COL13A1: variants seen among roughly 807,000 people sequenced by gnomAD.
COL13A1 encodes the protein collagen alpha-1(XIII) chain.
A neutral mutation model predicts 130.9 loss-of-function variants in COL13A1; 89 were observed. That is an observed-to-expected ratio of 0.68 (90% CI 0.57 to 0.81). The LOEUF (loss-of-function observed/expected upper bound fraction) is 0.81. Among genes scored for constraint, COL13A1 ranks in the 30% least tolerant of loss-of-function variants. The pLI is 0.00. For synonymous variants in COL13A1, 402 were observed against 341.6 expected (o/e 1.18, Z -1.95); for missense variants, 879 against 934.6 (o/e 0.94, Z 0.78).
chr10:69,854,289 G>A (rs1176437532), intron 2 of COL13A1, among the ~76,000 whole-genome samples: 2 of 152,160 alleles, frequency 1.3e-5, no homozygotes, highest in East Asian at 3.9e-4. Context: ...GTTTCAGCCG[G>A]GTGCTGTGGC....
intron 2 of COL13A1, among the ~76,000 whole-genome samples, chr10:69,857,059 G>A (rs1856635804): frequency 6.6e-6 from 1 of 152,190 alleles, no homozygotes; most frequent in South Asian, 2.1e-4. Flanking sequence ...GACCCGTGCT[G>A]GAGGCCTGGC....
intron 2 of COL13A1, among the ~76,000 whole-genome samples, chr10:69,830,747 A>T (rs1245038852): frequency 6.6e-6 from 1 of 152,126 alleles, no homozygotes; most frequent in Admixed American, 6.6e-5. Context: ...TTGCGATGTA[A>T]TTCCCATATA....
intron 7 of COL13A1, among the ~76,000 whole-genome samples, chr10:69,881,014 T>A (rs2060087000): frequency 6.6e-6 from 1 of 152,224 alleles, no homozygotes; most frequent in South Asian, 2.1e-4. Flanking sequence ...GATGCCTCTG[T>A]GTGCAGTGCT....
At chr10:69,820,313 G>A (rs1449660219) in intron 1 of COL13A1, among the ~76,000 whole-genome samples, 1 of 152,252 alleles carries the variant, frequency 6.6e-6, no homozygotes. Flanking sequence ...GCCCAACCCT[G>A]TGATGGCAGC....
intron 21 of COL13A1, among the ~76,000 whole-genome samples, chr10:69,920,675 G>C (rs759769300): frequency 5.9e-5 from 9 of 152,222 alleles, no homozygotes; most frequent in Non-Finnish European, 1.2e-4. Flanking sequence ...GCTCTCACCA[G>C]AACCTGGCCA....
chr10:69,956,890 G>A (rs1194779760), intron 39 of COL13A1, 114 bp from the exon 40 acceptor site: 3 of 760,218 alleles, frequency 3.9e-6, no homozygotes, highest in Non-Finnish European at 7.1e-6. Flanking sequence ...AAGCGTGGGT[G>A]GGCCACATCC....
chr10:69,861,805 G>A (rs942762843), intron 2 of COL13A1, among the ~76,000 whole-genome samples: 1 of 152,122 alleles, frequency 6.6e-6, no homozygotes, highest in Non-Finnish European at 1.5e-5. Flanking sequence ...ATGAGTGCAG[G>A]CACAGAGACT....
At chr10:69,820,607 C>T (rs139376623) in intron 1 of COL13A1, among the ~76,000 whole-genome samples, 9 of 152,312 alleles carry the variant, frequency 5.9e-5, no homozygotes, top group Non-Finnish European at 1.2e-4. Flanking sequence ...GCCCAGCGGC[C>T]GCTCTGTGCC....
chr10:69,847,728 G>A (rs1236353195), intron 2 of COL13A1, among the ~76,000 whole-genome samples: 1 of 152,228 alleles, frequency 6.6e-6, no homozygotes, highest in African/African-American at 2.4e-5. Flanking sequence ...AGCCCTGGGA[G>A]GAAGGGACAA....
Position 69,925,837 on chromosome 10 carries a change from G to C in COL13A1, c.1363G>C (p.Val455Leu). Residue 455 changes from valine (V) to leucine (L), a missense_variant, in exon 26 of 41, where the codon GTG becomes CTG. Around this residue, in one of 3 missense-constraint regions of COL13A1, gnomAD observed 715 missense variants for 721.0 expected, o/e 0.99. Coordinates refer to ENST00000645393, the MANE Select transcript of COL13A1 (RefSeq NM_001368882.1). ...GGGAGAACCAGGGAAAGGAGAGATGGTGGATTACAATGGAAACATCAATGA... is the reference window on the plus strand; with the variant it reads ...GGGAGAACCAGGGAAAGGAGAGATGCTGGATTACAATGGAAACATCAATGA... ...SKGEPGKGEM[V>L]DYNGNINEAL... The C allele has an allele frequency of 6.2e-7, 1 of 1,601,102 alleles. No individual in the cohort carries two copies. The highest frequency in any genetic ancestry group is 1.7e-5 in the Admixed American group (1 of 58,410).
At chr10:69,895,980 G>A (rs1454544797) in intron 13 of COL13A1, among the ~76,000 whole-genome samples, 1 of 152,168 alleles carries the variant, frequency 6.6e-6, no homozygotes, top group Non-Finnish European at 1.5e-5. Context: ...GTGCGTGTGT[G>A]TGGCGGTAGG....
chr10:69,816,684 C>T (rs139885910), intron 1 of COL13A1, among the ~76,000 whole-genome samples: 2,660 of 152,108 alleles, frequency 0.017, 43 homozygotes, highest in Non-Finnish European at 0.029. Context: ...GGGGAGAGTG[C>T]GTGTCCTGGG....
chr10:69,923,106 G>A (rs140708275), intron 23 of COL13A1, among the ~76,000 whole-genome samples: 422 of 152,312 alleles, frequency 2.8e-3, no homozygotes, highest in Non-Finnish European at 4.4e-3. Flanking sequence ...TGCTGTAACT[G>A]AGTCAAGGAT....
intron 27 of COL13A1, among the ~76,000 whole-genome samples, chr10:69,928,713 C>T (rs1034247753): frequency 1.3e-5 from 2 of 152,172 alleles, no homozygotes; most frequent in Non-Finnish European, 2.9e-5. Flanking sequence ...GGACATGGCT[C>T]TCCGAACCCC....
intron 23 of COL13A1, 91 bp downstream of exon 23, chr10:69,922,885 C>T: frequency 1.2e-6 from 1 of 831,336 alleles, no homozygotes; most frequent in African/African-American, 1.8e-5. Flanking sequence ...CCCGGACATC[C>T]CGCCTTCTCT....
At position 69,952,917 on chromosome 10, in the gene COL13A1, A is replaced by G; in HGVS notation, c.2094A>G (p.Lys698=). The change falls in exon 39 of 41, where the codon AAA becomes AAG. Residue 698 remains lysine (K), a synonymous_variant. Transcript: ENST00000645393. ...GGAAGAAAGGCTCTAGAGGGCCTAA[A>G]GGGGATAAGGGAGACCAAGGAGCGC... ...ERGKKGSRGP[K]GDKGDQGAPG... is the part of the protein sequence containing the mutation. 1 of 1,556,688 alleles carries G rather than the reference A, an allele frequency of 6.4e-7. No individual in the cohort carries two copies. The highest frequency in any genetic ancestry group is 2.1e-5 in the Admixed American group (1 of 46,804).
intron 1 of COL13A1, among the ~76,000 whole-genome samples, chr10:69,807,312 T>C (rs1841857619): frequency 6.6e-6 from 1 of 152,166 alleles, no homozygotes. Flanking sequence ...CCTCCCACTA[T>C]CTGTGATTCA....
At chr10:69,889,562 A>G in intron 10 of COL13A1, 122 bp downstream of exon 10, 2 of 1,267,740 alleles carry the variant, frequency 1.6e-6, no homozygotes, top group Admixed American at 2.0e-5. Context: ...CATGCTGGTC[A>G]CTCCCCAGCT....
chr10:69,896,654 C>A (rs961352702), intron 13 of COL13A1, among the ~76,000 whole-genome samples: 1 of 152,298 alleles, frequency 6.6e-6, no homozygotes, highest in East Asian at 1.9e-4. Context: ...CTGCCCAGAC[C>A]CTCAGGAAGC....
Sources: allele counts gnomAD v4.1 joint callset (sites outside exome capture counted in the v4.1 genomes callset), GRCh38; gene constraint gnomAD v4.1.1; regional missense constraint gnomAD v4.1.1; transcripts MANE v1.5; gene names NCBI Gene and HGNC (gene_info 2026-07-23, HGNC 2026-07-21).